Variants in ALK observed in about 807,000 individuals in gnomAD.
ALK encodes ALK receptor tyrosine kinase.
ALK carries 74 observed loss-of-function variants against 163.1 expected under a neutral mutation model. That is an observed-to-expected ratio of 0.45 (90% confidence interval 0.38 to 0.55). The LOEUF is 0.55. Ranked by LOEUF, ALK falls within the 20% of genes least tolerant of loss-of-function variation. The pLI is 0.00. For synonymous variants in ALK, 960 were observed against 843.2 expected (o/e 1.14, Z -2.40); for missense variants, 2,063 against 2,105.3 (o/e 0.98, Z 0.39).
At chr2:29,464,587 T>G (rs373055879) in intron 4 of ALK, among the ~76,000 whole-genome samples, 1 of 145,808 alleles carries the variant, frequency 6.9e-6, no homozygotes, top group Non-Finnish European at 1.5e-5. Flanking sequence ...ATGGAAATTT[T>G]TGAGATAAAA....
At chr2:29,596,722 A>G (rs1558401661) in intron 3 of ALK, among the ~76,000 whole-genome samples, 1 of 152,018 alleles carries the variant, frequency 6.6e-6, no homozygotes, top group Non-Finnish European at 1.5e-5. Context: ...GATAAAATAG[A>G]CTCTACAAGA....
In ALK at chr2:29,420,611, A is replaced by G. The variant is rs185450600; in HGVS notation, c.1155-36752T>C. 2.0e-5 allele frequency among the ~76,000 whole-genome samples: 3 copies of G among 151,574 alleles called. No individual in the cohort carries two copies. In the East Asian group the frequency reaches 5.8e-4, roughly 29 times the overall value. The stretch of plus-strand genomic sequence containing the variant: ...AACATTCTGCAAACGGCATGGGCAT[A>G]TCTCCGAAGTCAATCATCATGAATG... On this transcript the variant is annotated intron_variant, in intron 4 of 28. Coordinates refer to ENST00000389048, the MANE Select transcript of ALK (RefSeq NM_004304.5).
At position 29,614,515 on chromosome 2, in the gene ALK, T is replaced by A. The variant is rs888893317; in HGVS notation, c.952+80335A>T. Among the ~76,000 whole-genome samples, 3 of 152,174 alleles carry A rather than the reference T, an allele frequency of 2.0e-5. 1 individual carries two copies. The highest frequency in any genetic ancestry group is 4.8e-5 in the African/African-American group (2 of 41,440). Reference sequence around the variant, plus strand: ...CTCTGTAGACTGACAGCATGTTCCATCCACTCCAAATGATCTGGAGACCGA... The same window carrying A: ...CTCTGTAGACTGACAGCATGTTCCAACCACTCCAAATGATCTGGAGACCGA... On this transcript the variant is annotated intron_variant, in intron 3 of 28. Transcript: ENST00000389048.
intron 2 of ALK, among the ~76,000 whole-genome samples, chr2:29,700,602 G>A (rs192017986): frequency 6.6e-5 from 10 of 152,326 alleles, no homozygotes; most frequent in African/African-American, 1.2e-4. Flanking sequence ...CAGGATGAAC[G>A]AGTGAGTGTG....
chr2:29,458,149 T>C (rs1052607105), intron 4 of ALK, among the ~76,000 whole-genome samples: 8 of 152,180 alleles, frequency 5.3e-5, no homozygotes, highest in African/African-American at 9.6e-5. Context: ...TATACATACA[T>C]GCACACATAC....
intron 4 of ALK, among the ~76,000 whole-genome samples, chr2:29,529,590 C>G (rs1311596954): frequency 6.6e-6 from 1 of 152,184 alleles, no homozygotes; most frequent in Non-Finnish European, 1.5e-5. Context: ...CAAAGCTGGG[C>G]AAGTTTTGAT....
At chr2:29,868,061 T>C (rs1168554596) in intron 1 of ALK, among the ~76,000 whole-genome samples, 1 of 152,220 alleles carries the variant, frequency 6.6e-6, no homozygotes, top group African/African-American at 2.4e-5. Flanking sequence ...GATCATGCCC[T>C]ACTTTGGCTA....
At chr2:29,859,609 G>A (rs1407989056) in intron 1 of ALK, among the ~76,000 whole-genome samples, 1 of 152,116 alleles carries the variant, frequency 6.6e-6, no homozygotes, top group Non-Finnish European at 1.5e-5. Context: ...GCAGAGAAAG[G>A]GGGTCGCTTG....
intron 26 of ALK, among the ~76,000 whole-genome samples, chr2:29,200,781 A>ATATGTG (rs1553389143): frequency 7.3e-6 from 1 of 136,702 alleles, no homozygotes; most frequent in East Asian, 2.2e-4. Context: ...ACGTATATAT[A>ATATGTG]TGTATATACA....
chr2:29,608,922 AGTTTT>A (rs897275868), intron 3 of ALK, among the ~76,000 whole-genome samples: 1 of 151,744 alleles, frequency 6.6e-6, no homozygotes, highest in South Asian at 2.1e-4. Flanking sequence ...TTCCATTTCC[AGTTTT>A]GTTTTGTTTT....
intron 4 of ALK, among the ~76,000 whole-genome samples, chr2:29,431,298 G>A (rs1170353067): frequency 2.6e-5 from 4 of 152,148 alleles, no homozygotes. Context: ...TAATGTTAAT[G>A]TGTATTTAAG....
intron 4 of ALK, among the ~76,000 whole-genome samples, chr2:29,515,312 T>A (rs973323059): frequency 1.3e-5 from 2 of 151,806 alleles, no homozygotes; most frequent in African/African-American, 4.8e-5. Context: ...TAATTATACA[T>A]ATAATTGTAA....
At chr2:29,730,903 C>T (rs906973143) in intron 1 of ALK, among the ~76,000 whole-genome samples, 1 of 152,148 alleles carries the variant, frequency 6.6e-6, no homozygotes, top group African/African-American at 2.4e-5. Flanking sequence ...TGGCCACAAT[C>T]ACACAATGAG....
At chr2:29,337,855 A>G (rs1439637624) in intron 5 of ALK, among the ~76,000 whole-genome samples, 1 of 152,168 alleles carries the variant, frequency 6.6e-6, no homozygotes, top group Non-Finnish European at 1.5e-5. Context: ...TGTGTTGATG[A>G]GCTGCCTAAG....
chr2:29,921,459 C>T lies in ALK; in HGVS notation c.-800G>A. 1 of 232,146 alleles carries T rather than the reference C, an allele frequency of 4.3e-6. No homozygotes were observed. Among genetic ancestry groups the T allele is most frequent in the East Asian group, 6.1e-5 (1 of 16,522 alleles). 14.4% of individuals were successfully genotyped at this position (232,146 alleles called of 1,614,324 possible). On this transcript the variant is annotated 5_prime_UTR_variant, in exon 1 of 29. Transcript: ENST00000389048. ...CCTCCTCACCCATCATCAGCGCCCG[C>T]GGCTTTGGGTGGCCGACCAGAGGGC...
intron 3 of ALK, among the ~76,000 whole-genome samples, chr2:29,587,864 GTGAA>G (rs1674933022): frequency 6.6e-6 from 1 of 152,196 alleles, no homozygotes; most frequent in Non-Finnish European, 1.5e-5. Flanking sequence ...TGATTTAACA[GTGAA>G]GGCCTGGTTC....
chr2:29,699,670 A>G (rs1209466574), intron 2 of ALK, among the ~76,000 whole-genome samples: 1 of 152,222 alleles, frequency 6.6e-6, no homozygotes, highest in Non-Finnish European at 1.5e-5. Flanking sequence ...AATGACTATG[A>G]CCTTCAGGAG....
chr2:29,206,006 G>A (rs1553390439), intron 26 of ALK, among the ~76,000 whole-genome samples: 4 of 152,136 alleles, frequency 2.6e-5, no homozygotes, highest in Non-Finnish European at 5.9e-5. Flanking sequence ...GCCAGTGGGG[G>A]CCAGGACCAG....
intron 2 of ALK, among the ~76,000 whole-genome samples, chr2:29,712,414 A>C (rs1210101782): frequency 6.6e-6 from 1 of 152,248 alleles, no homozygotes; most frequent in Non-Finnish European, 1.5e-5. Context: ...GGAAGCTTTC[A>C]GCCCTGACAA....
Sources: allele counts gnomAD v4.1 joint callset (sites outside exome capture counted in the v4.1 genomes callset), GRCh38; gene constraint gnomAD v4.1.1; transcripts MANE v1.5; gene names NCBI Gene and HGNC (gene_info 2026-07-23, HGNC 2026-07-21).